ACSS2: variants seen among roughly 807,000 people sequenced by gnomAD.
The protein encoded by ACSS2 is acetyl-coenzyme A synthetase, cytoplasmic.
ACSS2 carries 58 observed loss-of-function variants against 90.6 expected under a neutral mutation model. The observed-to-expected ratio is 0.64, with a 90% confidence interval of 0.52 to 0.80. The LOEUF (loss-of-function observed/expected upper bound fraction) is 0.80, where lower values mean the gene tolerates loss of function less well. ACSS2 is among the 30% of genes least tolerant of loss of function. The pLI is 0.00. For missense variants in ACSS2, 759 were observed against 912.0 expected (o/e 0.83, Z 2.16); for synonymous variants, 300 against 330.9 (o/e 0.91, Z 1.01).
intron 4 of ACSS2, 70 bp downstream of exon 4, chr20:34,913,566 A>G (rs1169897549): frequency 2.5e-5 from 36 of 1,452,982 alleles, no homozygotes; most frequent in Non-Finnish European, 3.1e-5. Flanking sequence ...TTGGGCCTAG[A>G]TGATGGAGGG....
intron 2 of ACSS2, among the ~76,000 whole-genome samples, chr20:34,894,443 T>A (rs2080414154): frequency 1.3e-5 from 2 of 152,124 alleles, no homozygotes; most frequent in South Asian, 4.1e-4. Context: ...TGAGCCAAGA[T>A]CATGCCACTG....
chr20:34,919,576 AGTGTGTGTGTGTGTGTGTGTGTGT>A lies in ACSS2; in HGVS notation c.972+25_972+48del, dbSNP rs59343003. ...TGGCTCCACAGGCAAACCCAAGGCA[AGTGTGTGTGTGTGTGTGTGTGTGT>A]GTGTGTGTGTGTGTGTGTGTATTAT... On this transcript the variant is annotated splice_donor_5th_base_variant and intron_variant, in intron 8 of 17. Transcript: ENST00000360596. 2.2e-5 allele frequency: 33 copies of A among 1,475,198 alleles called. No homozygotes were observed. The Middle Eastern group carries it at 7.4e-4, about 33-fold the overall frequency. 91.4% of individuals were successfully genotyped at this position (1,475,198 alleles called of 1,614,324 possible).
At chr20:34,925,212 T>C (rs2081290572) in intron 14 of ACSS2, among the ~76,000 whole-genome samples, 1 of 152,196 alleles carries the variant, frequency 6.6e-6, no homozygotes, top group African/African-American at 2.4e-5. Flanking sequence ...TCTGGGTCTC[T>C]TGTGAGTTTC....
intron 14 of ACSS2, among the ~76,000 whole-genome samples, chr20:34,924,897 A>C (rs979861086): frequency 6.6e-6 from 1 of 151,316 alleles, no homozygotes; most frequent in African/African-American, 2.4e-5. Flanking sequence ...ACGGGGTTTC[A>C]CCATGTTGGC....
intron 2 of ACSS2, among the ~76,000 whole-genome samples, chr20:34,898,384 C>A (rs1042157911): frequency 4.6e-5 from 7 of 152,124 alleles, no homozygotes; most frequent in African/African-American, 1.7e-4. Flanking sequence ...ACATCTCCAC[C>A]AGATTAGCTA....
At chr20:34,903,183 A>C (rs2080711367) in intron 2 of ACSS2, among the ~76,000 whole-genome samples, 1 of 152,062 alleles carries the variant, frequency 6.6e-6, no homozygotes, top group East Asian at 1.9e-4. Flanking sequence ...CTCTACTAAA[A>C]ATACAAAAAT....
chr20:34,897,966 A>G (rs963847437), intron 2 of ACSS2, among the ~76,000 whole-genome samples: 1 of 152,164 alleles, frequency 6.6e-6, no homozygotes, highest in Non-Finnish European at 1.5e-5. Flanking sequence ...TTCAAGAATG[A>G]AGCCGTGGAC....
chr20:34,885,696 T>A (rs1453408857), intron 2 of ACSS2, among the ~76,000 whole-genome samples: 1 of 152,224 alleles, frequency 6.6e-6, no homozygotes. Context: ...CCTGAATTTA[T>A]TGAAGCCCCA....
intron 2 of ACSS2, among the ~76,000 whole-genome samples, chr20:34,891,811 T>G (rs1278942449): frequency 6.6e-6 from 1 of 152,178 alleles, no homozygotes; most frequent in African/African-American, 2.4e-5. Flanking sequence ...CCTAAAGTGG[T>G]GAAAATGAGA....
intron 2 of ACSS2, among the ~76,000 whole-genome samples, chr20:34,889,628 G>C (rs1247299767): frequency 1.3e-5 from 2 of 152,204 alleles, no homozygotes; most frequent in Non-Finnish European, 2.9e-5. Flanking sequence ...TTTATATTAA[G>C]AAGAGACTGT....
rs201457763 is a variant in ACSS2, at chr20:34,921,631, C to T, written c.1467+31C>T. 115 of 1,614,058 alleles carry T rather than the reference C, an allele frequency of 7.1e-5. 1 individual carries two copies. Among genetic ancestry groups the T allele is most frequent in the Non-Finnish European group, 9.4e-5 (111 of 1,180,026 alleles). On this transcript the variant is annotated intron_variant, in intron 12 of 17. Transcript: ENST00000360596. ...TGATGCTTCCCTGGCTGGTCTTGGG[C>T]TAGGCAGGGATGGTGTCTTGGGGCA...
chr20:34,920,781 C>T (rs2081179341), intron 9 of ACSS2, 72 bp downstream of exon 9: 1 of 1,544,564 alleles, frequency 6.5e-7, no homozygotes, highest in Admixed American at 1.9e-5. Context: ...CCCAAGGCTG[C>T]TTGGTCTAGA....
Position 34,927,400 on chromosome 20 carries a change from A to G in ACSS2, c.*186A>G, listed in dbSNP as rs914591432. The G allele has an allele frequency of 6.5e-6, 5 of 772,588 alleles. No homozygotes were observed. The highest frequency in any genetic ancestry group is 5.2e-5 in the Admixed American group (2 of 38,338). The allele number at this position is 772,588 out of a possible 1,614,324, so 47.9% of individuals were successfully genotyped here. The stretch of plus-strand genomic sequence containing the variant: ...CCTGTGACTGCCAGGCAGAAAGGAC[A>G]GGGCCCAGGTCAGCCTCAGTCTGCT... On this transcript the variant is annotated 3_prime_UTR_variant, in exon 18 of 18. Coordinates refer to ENST00000360596, the MANE Select transcript of ACSS2 (RefSeq NM_018677.4). The surrounding 1 kb of genome is among the most constrained non-coding windows in gnomAD (Gnocchi z 4.2).
At chr20:34,913,526 G>T (rs1293612335) in intron 4 of ACSS2, 30 bp downstream of exon 4, 1 of 1,595,398 alleles carries the variant, frequency 6.3e-7, no homozygotes, top group Non-Finnish European at 8.6e-7. Context: ...AAAAGGGGCA[G>T]GCGGGGGGGT....
intron 5 of ACSS2, 41 bp downstream of exon 5, chr20:34,913,866 C>G (rs780555543): frequency 4.1e-5 from 65 of 1,590,092 alleles, no homozygotes; most frequent in Non-Finnish European, 5.5e-5. Flanking sequence ...CCCCCCATAC[C>G]TCAAGCCTTG....
At chr20:34,894,405 G>A (rs1568972359) in intron 2 of ACSS2, among the ~76,000 whole-genome samples, 2 of 152,078 alleles carry the variant, frequency 1.3e-5, no homozygotes, top group Non-Finnish European at 2.9e-5. Flanking sequence ...CAGGAAAATC[G>A]ATTGAACCTG....
Position 34,914,109 on chromosome 20 carries a change from G to A in ACSS2, c.657G>A (p.Arg219=), listed in dbSNP as rs745521132. The part of the protein sequence containing the change: ...SLLITTDAFY[R]GEKLVNLKEL... ...TGCTCCCCAAAGATGCCTTCTACAGGGGGGAAAAGCTTGTGAACCTGAAGG... is the reference window on the plus strand; with the variant it reads ...TGCTCCCCAAAGATGCCTTCTACAGAGGGGAAAAGCTTGTGAACCTGAAGG... Residue 219 remains arginine (R), a synonymous_variant, in exon 6 of 18, where the codon AGG becomes AGA. Coordinates refer to ENST00000360596, the MANE Select transcript of ACSS2 (RefSeq NM_018677.4). The A allele has an allele frequency of 3.7e-6, 6 of 1,614,166 alleles. No homozygotes were observed. In the African/African-American group the frequency reaches 4.0e-5, roughly 11 times the overall value.
intron 16 of ACSS2, among the ~76,000 whole-genome samples, 186 bp from the exon 17 acceptor site, chr20:34,926,691 A>G (rs767942559): frequency 2.6e-5 from 4 of 152,102 alleles, no homozygotes; most frequent in Admixed American, 6.5e-5. Context: ...CCTGAGTTCC[A>G]TAAGATAAAA....
rs1174002913 is a variant in ACSS2, at chr20:34,923,460, C to T, written c.1657+29C>T. 4 of 1,521,278 alleles carry T rather than the reference C, an allele frequency of 2.6e-6. No homozygotes were observed. In the African/African-American group the frequency reaches 5.5e-5, roughly 21 times the overall value. The allele number at this position is 1,521,278 out of a possible 1,614,324, so 94.2% of individuals were successfully genotyped here. On this transcript the variant is annotated intron_variant, in intron 14 of 17. Coordinates refer to ENST00000360596, the MANE Select transcript of ACSS2 (RefSeq NM_018677.4). ...AGCCTTAGCTATCCCCCTCTTGCAC[C>T]TCCCACTAAGACATGTACCTTCCAC...
Sources: allele counts gnomAD v4.1 joint callset (sites outside exome capture counted in the v4.1 genomes callset), GRCh38; gene constraint gnomAD v4.1.1; non-coding constraint Gnocchi (gnomAD v3.1); transcripts MANE v1.5; gene names NCBI Gene and HGNC (gene_info 2026-07-23, HGNC 2026-07-21).